RELCH: variants seen among roughly 807,000 people sequenced by gnomAD.
RELCH encodes RAB11-binding protein RELCH.
In RELCH, 41 loss-of-function variants were observed where a neutral mutation model predicts 150.3. That is an observed-to-expected ratio of 0.27 (90% CI 0.21 to 0.35). The LOEUF (loss-of-function observed/expected upper bound fraction) is 0.35, where lower values mean the gene tolerates loss of function less well. RELCH is among the 10% of genes least tolerant of loss of function. The probability of loss-of-function intolerance (pLI) is 1.00; values close to 1 mark genes in which losing one functional copy is unlikely to be tolerated. For missense variants in RELCH, 1,092 were observed against 1,467.8 expected (o/e 0.74, Z 4.18); for synonymous variants, 478 against 531.8 (o/e 0.90, Z 1.39).
intron 13 of RELCH, among the ~76,000 whole-genome samples, chr18:62,256,598 G>A (rs1311316609): frequency 6.6e-6 from 1 of 151,932 alleles, no homozygotes; most frequent in African/African-American, 2.4e-5. Flanking sequence ...TTTCCTCAGC[G>A]GATCTATGTT....
Position 62,245,300 on chromosome 18 carries a change from C to A in RELCH, c.1733+424C>A, listed in dbSNP as rs144444870. On this transcript the variant is annotated intron_variant, in intron 11 of 28. Transcript: ENST00000644646. ...TACTGACAAGTCTCATTGTTTAAAT[C>A]TTTGAAAAGGAATTCTATACCTTCT... Among the ~76,000 whole-genome samples the A allele has an allele frequency of 1.5e-3, 234 of 152,304 alleles. 1 individual carries two copies. The highest frequency in any genetic ancestry group is 5.2e-3 in the African/African-American group (218 of 41,564).
Position 62,253,267 on chromosome 18 carries a change from TTGTGTGTGTGTGTGTGTGTG to T in RELCH, c.1824+539_1824+558del, listed in dbSNP as rs68067609. On this transcript the variant is annotated intron_variant, in intron 12 of 28. Transcript: ENST00000644646. ...TATACTTGAAGAAACAGCAAGAAGA[TTGTGTGTGTGTGTGTGTGTG>T]TGTGTGTGTGTGTGTGTGTGTGTGT... 4.3e-3 allele frequency among the ~76,000 whole-genome samples: 584 copies of T among 136,550 alleles called. 6 individuals are homozygous for T. The highest frequency in any genetic ancestry group is 0.015 in the African/African-American group (560 of 37,930). 89.6% of individuals were successfully genotyped at this position (136,550 alleles called of 152,430 possible). A position where few individuals can be genotyped will look rare whatever the true frequency, so the allele number is the denominator to read the frequency against.
intron 19 of RELCH, among the ~76,000 whole-genome samples, chr18:62,267,456 A>G (rs200680171): frequency 1.7e-4 from 20 of 120,798 alleles, no homozygotes; most frequent in East Asian, 1.6e-3. Context: ...GTGTGTGTGT[A>G]TAGAATATAT....
chr18:62,269,997 T>C (rs1158015365), intron 20 of RELCH, among the ~76,000 whole-genome samples: 2 of 152,190 alleles, frequency 1.3e-5, no homozygotes, highest in Non-Finnish European at 2.9e-5. Context: ...TTATAACTGT[T>C]TCATTTGCTC....
intron 11 of RELCH, among the ~76,000 whole-genome samples, chr18:62,250,396 A>T (rs543828469): frequency 6.6e-6 from 1 of 152,202 alleles, no homozygotes; most frequent in Non-Finnish European, 1.5e-5. Context: ...ATTATCAAAC[A>T]TGTATGGCTT....
Position 62,264,846 on chromosome 18 carries a change from C to G in RELCH, c.2625C>G (p.Asn875Lys). 6.2e-7 allele frequency: 1 copy of G among 1,606,118 alleles called. No homozygotes were observed. Among genetic ancestry groups the G allele is most frequent in the Non-Finnish European group, 8.5e-7 (1 of 1,176,584 alleles). The change falls in exon 18 of 29, where the codon AAC becomes AAG. Residue 875 changes from asparagine to lysine, a missense_variant. By Grantham distance (94) the Asn-to-Lys change is moderately conservative. This residue lies in a region of RELCH where 707 missense variants were observed against 1,025.4 expected (regional missense o/e 0.69). Coordinates refer to ENST00000644646, the MANE Select transcript of RELCH (RefSeq NM_001346231.2). ...LCRTFGKIFT[N>K]TKVKPQFQEI... ...GGACATTTGGCAAAATTTTTACAAACACTAAGGTAAAAACTTGTATTCCAT... is the reference window on the plus strand; with the variant it reads ...GGACATTTGGCAAAATTTTTACAAAGACTAAGGTAAAAACTTGTATTCCAT...
chr18:62,274,238 T>C, intron 21 of RELCH, 152 bp downstream of exon 21: 1 of 573,512 alleles, frequency 1.7e-6, no homozygotes, highest in Non-Finnish European at 3.0e-6. Flanking sequence ...TTTAGTTTGT[T>C]TCTTGGTTTT....
At chr18:62,213,619 A>G (rs1056768490) in intron 2 of RELCH, among the ~76,000 whole-genome samples, 1 of 151,136 alleles carries the variant, frequency 6.6e-6, no homozygotes, top group Non-Finnish European at 1.5e-5. Context: ...AGTCCCAGCT[A>G]CTCAGGAGGC....
At chr18:62,276,846 C>A (rs2044236904) in intron 22 of RELCH, among the ~76,000 whole-genome samples, 1 of 151,994 alleles carries the variant, frequency 6.6e-6, no homozygotes, top group South Asian at 2.1e-4. Flanking sequence ...GCCAAAGCCA[C>A]TATTTGGTTT....
intron 9 of RELCH, among the ~76,000 whole-genome samples, chr18:62,231,603 A>T (rs1418228371): frequency 1.3e-5 from 2 of 152,022 alleles, no homozygotes; most frequent in Non-Finnish European, 2.9e-5. Flanking sequence ...TGTTTATTTA[A>T]ATTACTCTAT....
At chr18:62,227,261 T>C in intron 5 of RELCH, 28 bp from the exon 6 acceptor site, 1 of 1,431,508 alleles carries the variant, frequency 7.0e-7, no homozygotes, top group Non-Finnish European at 9.6e-7. Flanking sequence ...TCCTCGAAGA[T>C]TTTTTATGTT....
Position 62,187,632 on chromosome 18 carries a change from G to T in RELCH, c.127G>T (p.Ala43Ser). ...EERRAVLRLG[A>S]GSGLDPGSAG... ...ACGGCGGGCAGTACTTCGGCTGGGC[G>T]CCGGAAGTGGCCTAGATCCTGGCTC... The change falls in exon 1 of 29, where the codon GCC becomes TCC. Residue 43 changes from alanine to serine, a missense_variant. By Grantham distance (99) the Ala-to-Ser change is moderately conservative. Transcript: ENST00000644646. 6.5e-7 allele frequency: 1 copy of T among 1,537,734 alleles called. No individual in the cohort carries two copies. Among genetic ancestry groups the T allele is most frequent in the Non-Finnish European group, 8.8e-7 (1 of 1,140,378 alleles).
Position 62,274,067 on chromosome 18 carries a change from G to C in RELCH, c.2848G>C (p.Ala950Pro). 4 of 1,610,658 alleles carry C rather than the reference G, an allele frequency of 2.5e-6. No individual in the cohort carries two copies. The highest frequency in any genetic ancestry group is 1.7e-5 in the Admixed American group (1 of 59,946). ...LSHAPLDSLK[A>P]SFVELGANPA... is the part of the protein sequence containing the mutation. ...TCATGCTCCTCTTGATAGCCTGAAG[G>C]CTTCTTTTGTGGAATTGGGGTAAGA... Residue 950 changes from alanine to proline, a missense_variant, in exon 21 of 29, where the codon GCT becomes CCT. This residue lies in a region of RELCH where 707 missense variants were observed against 1,025.4 expected (regional missense o/e 0.69). Transcript: ENST00000644646.
At position 62,241,164 on chromosome 18, in the gene RELCH, C is replaced by T. The variant is rs78216407; in HGVS notation, c.1621-3600C>T. Among the ~76,000 whole-genome samples, 873 of 152,286 alleles carry T rather than the reference C, an allele frequency of 5.7e-3. 7 individuals carry two copies. Among genetic ancestry groups the T allele is most frequent in the African/African-American group, 0.02 (842 of 41,572 alleles). Reference sequence around the variant, plus strand: ...CAACTCTTTGTCTCCTTGCAGTTAGCTCCTCTCTTGCTGACCTGCCCTTTG... The same window carrying T: ...CAACTCTTTGTCTCCTTGCAGTTAGTTCCTCTCTTGCTGACCTGCCCTTTG... On this transcript the variant is annotated intron_variant, in intron 10 of 28. Transcript: ENST00000644646.
intron 10 of RELCH, 62 bp from the exon 11 acceptor site, chr18:62,244,702 G>A (rs1183081242): frequency 1.4e-5 from 15 of 1,072,470 alleles, no homozygotes; most frequent in Non-Finnish European, 2.9e-6. Context: ...ATATTGTGGA[G>A]GAAAAAAGAA....
intron 27 of RELCH, among the ~76,000 whole-genome samples, chr18:62,292,788 A>G (rs1282326140): frequency 6.6e-6 from 1 of 152,148 alleles, no homozygotes; most frequent in Non-Finnish European, 1.5e-5. Flanking sequence ...CCGTTTCTTT[A>G]TACCTGTGCC....
At chr18:62,245,951 G>A (rs992354704) in intron 11 of RELCH, 6 of 152,188 alleles carry the variant, frequency 3.9e-5, no homozygotes, top group Non-Finnish European at 8.8e-5. Flanking sequence ...TGCTCTCCAA[G>A]TGCAACAAGT....
Position 62,264,020 on chromosome 18 carries a change from T to C in RELCH, c.2382T>C (p.Leu794=), listed in dbSNP as rs772671779. 6.2e-7 allele frequency: 1 copy of C among 1,609,154 alleles called. No individual in the cohort carries two copies. Among genetic ancestry groups the C allele is most frequent in the African/African-American group, 1.3e-5 (1 of 74,414 alleles). The change falls in exon 17 of 29, where the codon CTT becomes CTC. Residue 794 remains leucine (L), a synonymous_variant. Transcript: ENST00000644646. ...VTRFPRPMSP[L]QDVSTIIGSR... is the part of the protein sequence containing the mutation. ...GGTTTCCTCGGCCTATGTCGCCTCTTCAAGATGTGTCCACTATTATCGGAA... is the reference window on the plus strand; with the variant it reads ...GGTTTCCTCGGCCTATGTCGCCTCTCCAAGATGTGTCCACTATTATCGGAA...
At chr18:62,291,942 G>A (rs1264546593) in intron 27 of RELCH, among the ~76,000 whole-genome samples, 2 of 152,066 alleles carry the variant, frequency 1.3e-5, no homozygotes, top group Non-Finnish European at 2.9e-5. Context: ...ACTTTCTTAA[G>A]TGCAGTTTCT....
Sources: allele counts gnomAD v4.1 joint callset (sites outside exome capture counted in the v4.1 genomes callset), GRCh38; gene constraint gnomAD v4.1.1; regional missense constraint gnomAD v4.1.1; transcripts MANE v1.5; gene names NCBI Gene and HGNC (gene_info 2026-07-23, HGNC 2026-07-21).